SLC11A2: variants seen among roughly 807,000 people sequenced by gnomAD.
SLC11A2 encodes solute carrier family 11 member 2.
A neutral mutation model predicts 68.0 loss-of-function variants in SLC11A2; 38 were observed. The ratio of observed to expected loss-of-function variants is 0.56; its 90% CI spans 0.43 to 0.73. SLC11A2 has a LOEUF of 0.73. SLC11A2 is among the 30% of genes least tolerant of loss of function. The pLI is 0.00. For synonymous variants in SLC11A2, 242 were observed against 250.6 expected (o/e 0.97, Z 0.32); for missense variants, 517 against 690.5 (o/e 0.75, Z 2.82).
At position 50,988,011 on chromosome 12, in the gene SLC11A2, C is replaced by T. The variant is rs1940768322; in HGVS notation, c.*314G>A. ...TTTAACATATAGCCTGGTTAAGAATCATGCATATCCTTGTCTCTCCGAAGG... is the reference window on the plus strand; with the variant it reads ...TTTAACATATAGCCTGGTTAAGAATTATGCATATCCTTGTCTCTCCGAAGG... On this transcript the variant is annotated 3_prime_UTR_variant, in exon 16 of 16. Transcript: ENST00000262052. 1.5e-6 allele frequency: 2 copies of T among 1,341,650 alleles called. No homozygotes were observed. Among genetic ancestry groups the T allele is most frequent in the Non-Finnish European group, 2.0e-6 (2 of 1,024,806 alleles). 83.1% of individuals were successfully genotyped at this position (1,341,650 alleles called of 1,614,324 possible).
downstream of SLC11A2, among the ~76,000 whole-genome samples, chr12:50,978,205 C>T (rs12369586): frequency 6.7e-6 from 1 of 149,046 alleles, no homozygotes; most frequent in African/African-American, 2.5e-5. Context: ...ATGTTTATTG[C>T]GGCACTATTC....
rs1398290159 is a variant in SLC11A2 at position 50,990,833 on chromosome 12, C to G, written c.1537G>C (p.Val513Leu). 14 of 1,614,046 alleles carry G rather than the reference C, an allele frequency of 8.7e-6. No homozygotes were observed. Among genetic ancestry groups the G allele is most frequent in the Admixed American group, 1.7e-5 (1 of 60,000 alleles). Residue 513 changes from valine (V) to leucine (L), a missense_variant, in exon 15 of 16, where the codon GTG becomes CTG. Coordinates refer to ENST00000262052, the MANE Select transcript of SLC11A2 (RefSeq NM_000617.3). ...GHVALYVVAAVVSVAYLGFVF... is the reference protein window; with the variant it reads ...GHVALYVVAALVSVAYLGFVF... ...AAGCCCAGATAAGCCACGCTGACCA[C>G]AGCAGCCACCACATATAATGCCACA...
chr12:50,983,752 C>A (rs1288620748), downstream of SLC11A2, among the ~76,000 whole-genome samples: 1 of 151,930 alleles, frequency 6.6e-6, no homozygotes, highest in Non-Finnish European at 1.5e-5. Flanking sequence ...GTGGGTGGAT[C>A]ATGAGGTCAG....
chr12:51,005,786 T>A, intron 3 of SLC11A2: 1 of 912,838 alleles, frequency 1.1e-6, no homozygotes. Context: ...CTGTGTGGTG[T>A]GTGCCTATAG....
At chr12:50,984,851 G>C (rs1940395530), downstream of SLC11A2, among the ~76,000 whole-genome samples, 2 of 152,154 alleles carry the variant, frequency 1.3e-5, no homozygotes, top group South Asian at 4.1e-4. Flanking sequence ...AGTGTGTTAT[G>C]TTCCTTGTGC....
the SLC11A2 span, among the ~76,000 whole-genome samples, chr12:50,956,856 A>C: frequency 3.9e-5 from 6 of 152,164 alleles, no homozygotes; most frequent in African/African-American, 1.4e-4. Context: ...TAGAATTTCC[A>C]GAGCAGGAAG....
At chr12:51,027,130 GC>G (rs1316120675), upstream of SLC11A2, among the ~76,000 whole-genome samples, 1 of 151,686 alleles carries the variant, frequency 6.6e-6, no homozygotes, top group Non-Finnish European at 1.5e-5. Flanking sequence ...AGCCGAGATC[GC>G]GCCATTGCAC....
chr12:51,008,887 T>G (rs557377527), intron 2 of SLC11A2, among the ~76,000 whole-genome samples: 49 of 151,754 alleles, frequency 3.2e-4, no homozygotes, highest in African/African-American at 1.1e-3. Flanking sequence ...AGTCACTCAA[T>G]TCTCTAGATC....
chr12:50,968,102 AAGGAGGAGG>A, the SLC11A2 span, among the ~76,000 whole-genome samples: 6 of 147,240 alleles, frequency 4.1e-5, no homozygotes, highest in African/African-American at 8.0e-5. Context: ...TAAGAAGAAG[AAGGAGGAGG>A]AGGAGGAGGA....
chr12:50,976,893 C>T (rs1198664062), downstream of SLC11A2, among the ~76,000 whole-genome samples: 3 of 152,082 alleles, frequency 2.0e-5, no homozygotes, highest in Admixed American at 1.3e-4. Context: ...ATCCCATTCA[C>T]AATTGCTTCA....
chr12:50,991,678 A>G lies in SLC11A2; in HGVS notation c.1348-6T>C. 6.2e-7 allele frequency: 1 copy of G among 1,612,812 alleles called. No individual in the cohort carries two copies. The highest frequency in any genetic ancestry group is 1.1e-5 in the South Asian group (1 of 90,820). ...GGTATGAGAGCAAAGGGAAGCTGGA[A>G]AAGAAAGAAGATCAGATGGGATTAC... is the stretch of plus-strand genomic sequence containing the variant. On this transcript the variant is annotated splice_region_variant and splice_polypyrimidine_tract_variant and intron_variant, in intron 13 of 15. Transcript: ENST00000262052.
Position 50,995,497 on chromosome 12 carries a change from G to A in SLC11A2, c.990+132C>T, listed in dbSNP as rs1321333849. The A allele has an allele frequency of 3.2e-6, 3 of 940,444 alleles. No individual in the cohort carries two copies. The African/African-American group carries it at 4.9e-5, about 15-fold the overall frequency. The allele number at this position is 940,444 out of a possible 1,614,324, so 58.3% of individuals were successfully genotyped here. A position where few individuals can be genotyped will look rare whatever the true frequency, so the allele number is the denominator to read the frequency against. On this transcript the variant is annotated intron_variant, in intron 10 of 15. Coordinates refer to ENST00000262052, the MANE Select transcript of SLC11A2 (RefSeq NM_000617.3). ...TCTGACTGGTGCACAGTGATTTTGGGGGGCAGACGAGAAGCTAGAGATTAT... is the reference window on the plus strand; with the variant it reads ...TCTGACTGGTGCACAGTGATTTTGGAGGGCAGACGAGAAGCTAGAGATTAT...
chr12:50,961,569 A>G, the SLC11A2 span, among the ~76,000 whole-genome samples: 2 of 152,224 alleles, frequency 1.3e-5, no homozygotes, highest in Admixed American at 1.3e-4. Flanking sequence ...AGTTTCAGCA[A>G]TAGGCAAATC....
At chr12:51,027,466 A>G (rs143513567), upstream of SLC11A2, among the ~76,000 whole-genome samples, 1,564 of 151,550 alleles carry the variant, frequency 0.01, 15 homozygotes, top group Middle Eastern at 0.02. Flanking sequence ...TAGTGCAGCC[A>G]GTTTGACCGC....
At chr12:50,995,846 A>T (rs1802891688) in intron 9 of SLC11A2, 59 bp from the exon 10 acceptor site, 1 of 1,558,202 alleles carries the variant, frequency 6.4e-7, no homozygotes, top group Non-Finnish European at 8.8e-7. Flanking sequence ...TCCTTGTGAC[A>T]TTTCAGGAGT....
the SLC11A2 span, among the ~76,000 whole-genome samples, chr12:50,967,980 G>A: frequency 2.0e-5 from 3 of 152,090 alleles, no homozygotes; most frequent in Admixed American, 1.3e-4. Flanking sequence ...CCAGCTACTC[G>A]GGAGGCTGAG....
the SLC11A2 span, among the ~76,000 whole-genome samples, chr12:50,956,341 A>G: frequency 6.6e-6 from 1 of 152,184 alleles, no homozygotes; most frequent in Non-Finnish European, 1.5e-5. Flanking sequence ...GCAGTGAGCC[A>G]AGATTGCGCC....
the SLC11A2 span, among the ~76,000 whole-genome samples, chr12:50,968,859 T>C: frequency 2.7e-5 from 4 of 150,688 alleles, no homozygotes; most frequent in Non-Finnish European, 4.4e-5. Context: ...TTTTATTTTT[T>C]TGTAGAAATG....
Position 50,996,680 on chromosome 12 carries a change from T to TA in SLC11A2, c.831+136dup, listed in dbSNP as rs2136220995. The TA allele has an allele frequency of 3.6e-6, 3 of 841,458 alleles. No individual in the cohort carries two copies. In the East Asian group the frequency reaches 7.7e-5, roughly 21 times the overall value. 52.1% of individuals were successfully genotyped at this position (841,458 alleles called of 1,614,324 possible). A position where few individuals can be genotyped will look rare whatever the true frequency, so the allele number is the denominator to read the frequency against. On this transcript the variant is annotated intron_variant, in intron 9 of 15. Transcript: ENST00000262052. ...AAACAGCATCTAAGTATATGGAGTT[T>TA]ATAAATGTCCAGGCTTGGAAAATAC...
Sources: allele counts gnomAD v4.1 joint callset (sites outside exome capture counted in the v4.1 genomes callset), GRCh38; gene constraint gnomAD v4.1.1; transcripts MANE v1.5; gene names NCBI Gene and HGNC (gene_info 2026-07-23, HGNC 2026-07-21).